SF3B3: variants seen among roughly 807,000 people sequenced by gnomAD.
The protein encoded by SF3B3 is splicing factor 3b subunit 3.
A neutral mutation model predicts 139.2 loss-of-function variants in SF3B3; 33 were observed. The observed-to-expected ratio is 0.24, with a 90% CI of 0.18 to 0.32. SF3B3 has a LOEUF of 0.32. Ranked by LOEUF, SF3B3 falls within the 10% of genes least tolerant of loss-of-function variation. SF3B3 has a pLI of 1.00. For missense variants in SF3B3, 818 were observed against 1,509.4 expected (o/e 0.54, Z 7.59); for synonymous variants, 596 against 563.6 (o/e 1.06, Z -0.81).
chr16:70,539,013 A>G (rs998321680), intron 7 of SF3B3, 91 bp from the exon 8 acceptor site: 29 of 921,808 alleles, frequency 3.1e-5, no homozygotes, highest in Non-Finnish European at 4.9e-5. Context: ...TATGAAATAC[A>G]GTATTTTATT....
At chr16:70,526,442 G>C (rs972524535) in intron 1 of SF3B3, 145 bp from the exon 2 acceptor site, 2 of 503,890 alleles carry the variant, frequency 4.0e-6, no homozygotes, top group African/African-American at 2.0e-5. Context: ...TCCTGACCTC[G>C]TGAGCCACCA....
At chr16:70,549,786 G>C (rs138678347) in intron 11 of SF3B3, among the ~76,000 whole-genome samples, 4,802 of 152,130 alleles carry the variant, frequency 0.032, 283 homozygotes, top group African/African-American at 0.11. Context: ...TTAGCTGGGC[G>C]TGGTGGTGCA....
At chr16:70,553,406 G>A (rs546321507) in intron 11 of SF3B3, among the ~76,000 whole-genome samples, 4 of 152,164 alleles carry the variant, frequency 2.6e-5, no homozygotes, top group African/African-American at 4.8e-5. Context: ...TTAGGCAGAC[G>A]GGTCCTATAG....
intron 10 of SF3B3, among the ~76,000 whole-genome samples, chr16:70,546,671 A>G (rs1567416383): frequency 6.6e-6 from 1 of 152,038 alleles, no homozygotes. Flanking sequence ...TATGTGCATT[A>G]ACAGAAAATT....
chr16:70,529,609 G>A (rs902192608), intron 3 of SF3B3: 5 of 181,246 alleles, frequency 2.8e-5, no homozygotes, highest in Non-Finnish European at 5.9e-5. Flanking sequence ...GTCATAAATC[G>A]TTAGATCTAT....
In SF3B3 at chr16:70,571,891, G is replaced by T. The variant is rs2050532793; in HGVS notation, c.*78G>T. 3 of 1,517,070 alleles carry T rather than the reference G, an allele frequency of 2.0e-6. No individual in the cohort carries two copies. Among genetic ancestry groups the T allele is most frequent in the Non-Finnish European group, 2.7e-6 (3 of 1,122,954 alleles). 94.0% of individuals were successfully genotyped at this position (1,517,070 alleles called of 1,614,324 possible). ...CCACCATCACTGCCACCTGGCTTCTGCCATGTGGCAGGAGGGTGACTGGAT... is the reference window on the plus strand; with the variant it reads ...CCACCATCACTGCCACCTGGCTTCTTCCATGTGGCAGGAGGGTGACTGGAT... On this transcript the variant is annotated 3_prime_UTR_variant, in exon 26 of 26. Transcript: ENST00000302516.
chr16:70,556,756 A>G, intron 14 of SF3B3, 130 bp from the exon 15 acceptor site: 19 of 817,918 alleles, frequency 2.3e-5, no homozygotes, highest in Non-Finnish European at 3.4e-5. Flanking sequence ...ACTCTCTTAG[A>G]ACTCACTCCC....
intron 7 of SF3B3, 68 bp downstream of exon 7, chr16:70,538,528 T>TG: frequency 7.4e-7 from 1 of 1,356,944 alleles, no homozygotes; most frequent in South Asian, 1.3e-5. Flanking sequence ...AGGTAATACT[T>TG]TACAAGTTAA....
In SF3B3 at chr16:70,565,746, T is replaced by G. The variant is rs2050469557; in HGVS notation, c.2826+222T>G. Reference sequence around the variant, plus strand: ...TAACCATCCATAATGGGGAGATAGATGCACATTCAATTGGTCTCTTTCTTA... The same window carrying G: ...TAACCATCCATAATGGGGAGATAGAGGCACATTCAATTGGTCTCTTTCTTA... On this transcript the variant is annotated intron_variant, in intron 20 of 25. Coordinates refer to ENST00000302516, the MANE Select transcript of SF3B3 (RefSeq NM_012426.5). 18 of 516,488 alleles carry G rather than the reference T, an allele frequency of 3.5e-5. No individual in the cohort carries two copies. In the South Asian group the frequency reaches 4.8e-4, roughly 14 times the overall value. 32.0% of individuals were successfully genotyped at this position (516,488 alleles called of 1,614,324 possible). A position where few individuals can be genotyped will look rare whatever the true frequency, so the allele number is the denominator to read the frequency against.
At chr16:70,547,007 G>A (rs565207696) in intron 10 of SF3B3, among the ~76,000 whole-genome samples, 3 of 151,268 alleles carry the variant, frequency 2.0e-5, no homozygotes, top group African/African-American at 4.9e-5. Context: ...GAGCCTGGGC[G>A]ACAGAGCGAG....
rs1284085426 is a variant in SF3B3, at chr16:70,556,952, A to G, written c.1933A>G (p.Met645Val). ...GCCTGAGTCCTTGTGTATCGTGGAA[A>G]TGGGTGGGACTGAGAAGCAGGATGA... is the stretch of plus-strand genomic sequence containing the variant. The part of the protein sequence containing the change: ...AQPESLCIVE[M>V]GGTEKQDELG... Residue 645 changes from methionine (M) to valine (V), a missense_variant, in exon 15 of 26, where the codon ATG (methionine) becomes GTG (valine). Physicochemically the swap from Met to Val is conservative, Grantham distance 21 (BLOSUM62 1). Coordinates refer to ENST00000302516, the MANE Select transcript of SF3B3 (RefSeq NM_012426.5). 3 of 1,614,088 alleles carry G rather than the reference A, an allele frequency of 1.9e-6. No individual in the cohort carries two copies. Among genetic ancestry groups the G allele is most frequent in the South Asian group, 1.1e-5 (1 of 91,078 alleles).
Position 70,565,282 on chromosome 16 carries a change from A to C in SF3B3, c.2669+12A>C. On this transcript the variant is annotated intron_variant, in intron 19 of 25. Transcript: ENST00000302516. ...GAGGCAGCTTTTAGGTAAGCAGCCC[A>C]GGACAGTCCAGGGTTTGGCAGGCTG... is the stretch of plus-strand genomic sequence containing the variant. The C allele has an allele frequency of 6.2e-7, 1 of 1,614,106 alleles. No individual in the cohort carries two copies. Among genetic ancestry groups the C allele is most frequent in the South Asian group, 1.1e-5 (1 of 91,084 alleles).
chr16:70,554,622 C>G (rs2050362280), intron 12 of SF3B3, 25 bp downstream of exon 12: 1 of 1,613,096 alleles, frequency 6.2e-7, no homozygotes, highest in East Asian at 2.2e-5. Flanking sequence ...AGCTTACCTA[C>G]TTGGCCTGCT....
intron 13 of SF3B3, among the ~76,000 whole-genome samples, chr16:70,555,886 C>T (rs998560806): frequency 6.6e-6 from 1 of 152,186 alleles, no homozygotes; most frequent in African/African-American, 2.4e-5. Flanking sequence ...GTCTCCATTT[C>T]CTGAGAACAA....
At chr16:70,543,062 T>C (rs1294372050) in intron 9 of SF3B3, among the ~76,000 whole-genome samples, 1 of 152,176 alleles carries the variant, frequency 6.6e-6, no homozygotes, top group Admixed American at 6.5e-5. Flanking sequence ...AGTGATTTTT[T>C]TCACCTTCAT....
chr16:70,548,390 T>C lies in SF3B3; in HGVS notation c.1350T>C (p.Ser450=). ...GTCAGGTGTCAGAAATGGCTGTTTC[T>C]GAGCTACCTGGTAACCCCAACGCTG... is the stretch of plus-strand genomic sequence containing the variant. ...HGLEVSEMAV[S]ELPGNPNAVW... Residue 450 remains serine, a synonymous_variant, in exon 11 of 26, where the codon TCT becomes TCC. Transcript: ENST00000302516. 3.7e-6 allele frequency: 6 copies of C among 1,614,126 alleles called. No homozygotes were observed. Among genetic ancestry groups the C allele is most frequent in the Non-Finnish European group, 5.1e-6 (6 of 1,180,020 alleles).
At position 70,575,166 on chromosome 16, in the gene SF3B3, C is replaced by CA. The variant is rs2151797636; in HGVS notation, c.*3353_*3354insA. On this transcript the variant is annotated 3_prime_UTR_variant, in exon 26 of 26. Coordinates refer to ENST00000302516, the MANE Select transcript of SF3B3 (RefSeq NM_012426.5). ...ACCAGCACAACCAAGAGTTGTTTCT[C>CA]TTTTTTTTCTTTTTCTTTTTCTTTT... The CA allele has an allele frequency of 7.6e-6, 1 of 130,818 alleles. No homozygotes were observed. The highest frequency in any genetic ancestry group is 2.8e-5 in the African/African-American group (1 of 35,762). The allele number at this position is 130,818 out of a possible 1,614,324, so 8.1% of individuals were successfully genotyped here. A position where few individuals can be genotyped will look rare whatever the true frequency, so the allele number is the denominator to read the frequency against.
chr16:70,555,763 G>A (rs2050374675), intron 13 of SF3B3, among the ~76,000 whole-genome samples: 1 of 152,148 alleles, frequency 6.6e-6, no homozygotes, highest in Non-Finnish European at 1.5e-5. Flanking sequence ...GAGGTCTCTA[G>A]TGTGGCCAAA....
At chr16:70,528,738 C>G (rs954966063) in intron 2 of SF3B3, 135 bp from the exon 3 acceptor site, 1 of 630,366 alleles carries the variant, frequency 1.6e-6, no homozygotes, top group South Asian at 2.0e-5. Context: ...CTGCCTTAGC[C>G]TCCCGAGTAG....
Sources: allele counts gnomAD v4.1 joint callset (sites outside exome capture counted in the v4.1 genomes callset), GRCh38; gene constraint gnomAD v4.1.1; transcripts MANE v1.5; gene names NCBI Gene and HGNC (gene_info 2026-07-23, HGNC 2026-07-21).